TNKS: variants seen among roughly 807,000 people sequenced by gnomAD.
The protein encoded by TNKS is poly [ADP-ribose] polymerase tankyrase-1.
Under a neutral mutation model 135.8 loss-of-function variants are expected in TNKS, and 72 were observed. The ratio of observed to expected loss-of-function variants is 0.53; its 90% confidence interval spans 0.44 to 0.64. The LOEUF is 0.64. Among genes scored for constraint, TNKS ranks in the 30% least tolerant of loss-of-function variants. TNKS has a pLI of 0.00. For missense variants in TNKS, 1,769 were observed against 1,674.0 expected (o/e 1.06, Z -0.99); for synonymous variants, 849 against 649.3 (o/e 1.31, Z -4.68).
intron 2 of TNKS, among the ~76,000 whole-genome samples, chr8:9,599,844 G>A (rs138752003): frequency 2.4e-4 from 37 of 151,958 alleles, no homozygotes; most frequent in Non-Finnish European, 4.3e-4. Context: ...GACAACAGGC[G>A]CAAAATTGAA....
chr8:9,751,755 C>T lies in TNKS; in HGVS notation c.2979C>T (p.Asp993=). Residue 993 remains aspartate (D), a synonymous_variant, in exon 19 of 27, where the codon GAC becomes GAT. Transcript: ENST00000310430. Reference sequence around the variant, plus strand: ...GCCTCTCGGCTGCCAGCAGCATAGACAACCTCACTGGCCCTTTAGCAGAGT... The same window carrying T: ...GCCTCTCGGCTGCCAGCAGCATAGATAACCTCACTGGCCCTTTAGCAGAGT... ...PSCLSAASSI[D]NLTGPLAELA... 1 of 1,614,212 alleles carries T rather than the reference C, an allele frequency of 6.2e-7. No individual in the cohort carries two copies. The highest frequency in any genetic ancestry group is 2.2e-5 in the East Asian group (1 of 44,880).
At chr8:9,735,776 G>A (rs2128819849) in intron 17 of TNKS, among the ~76,000 whole-genome samples, 1 of 151,914 alleles carries the variant, frequency 6.6e-6, no homozygotes, top group East Asian at 1.9e-4. Context: ...CTCCAGCCTG[G>A]GTGACAGAGC....
At chr8:9,629,737 C>T (rs1800211186) in intron 3 of TNKS, among the ~76,000 whole-genome samples, 1 of 152,224 alleles carries the variant, frequency 6.6e-6, no homozygotes. Context: ...GGCTGGAGTG[C>T]AGTGGTGTCA....
Position 9,763,227 on chromosome 8 carries a change from C to G in TNKS, c.3355C>G (p.Gln1119Glu). 1.9e-6 allele frequency: 3 copies of G among 1,606,540 alleles called. No homozygotes were observed. The East Asian group carries it at 6.7e-5, about 36-fold the overall frequency. Residue 1119 changes from glutamine to glutamate, a missense_variant, in exon 22 of 27, where the codon CAG becomes GAG. Gln to Glu is a conservative substitution (Grantham distance 29). This residue lies in a region of TNKS where 722 missense variants were observed against 688.9 expected (regional missense o/e 1.05). Coordinates refer to ENST00000310430, the MANE Select transcript of TNKS (RefSeq NM_003747.3). Reference protein sequence around the residue: ...LDLAPEDKEYQSVEEEMQSTI... With the variant: ...LDLAPEDKEYESVEEEMQSTI... ...TCTTGCTCCAGAAGATAAAGAATAT[C>G]AGTCAGTGGAAGAAGAGGTAATATA...
At chr8:9,643,473 C>G (rs532457056) in intron 3 of TNKS, among the ~76,000 whole-genome samples, 3 of 151,682 alleles carry the variant, frequency 2.0e-5, no homozygotes, top group Non-Finnish European at 4.4e-5. Context: ...GAGGGTGGAG[C>G]CCTCAGGACC....
chr8:9,567,719 C>T (rs958978327), intron 1 of TNKS, among the ~76,000 whole-genome samples: 2 of 152,144 alleles, frequency 1.3e-5, no homozygotes, highest in Non-Finnish European at 2.9e-5. Flanking sequence ...ACCCTTCCAG[C>T]AACGACTTTC....
At chr8:9,575,321 G>A (rs1015942459) in intron 1 of TNKS, 2 of 850,112 alleles carry the variant, frequency 2.4e-6, no homozygotes, top group African/African-American at 1.8e-5. Flanking sequence ...TCCTGACCTC[G>A]TGATCCGCCT....
At chr8:9,673,361 T>A (rs1194783722) in intron 3 of TNKS, among the ~76,000 whole-genome samples, 2 of 152,054 alleles carry the variant, frequency 1.3e-5, no homozygotes, top group African/African-American at 4.8e-5. Flanking sequence ...AAATAATATA[T>A]AAATTTTATG....
At chr8:9,588,480 G>T (rs1339720454) in intron 2 of TNKS, among the ~76,000 whole-genome samples, 1 of 152,150 alleles carries the variant, frequency 6.6e-6, no homozygotes, top group Non-Finnish European at 1.5e-5. Context: ...ATTTCACCAT[G>T]TTAGCCAGGA....
At chr8:9,652,053 C>T (rs969994389) in intron 3 of TNKS, among the ~76,000 whole-genome samples, 5 of 152,132 alleles carry the variant, frequency 3.3e-5, no homozygotes, top group African/African-American at 7.2e-5. Flanking sequence ...TGAAAAATGA[C>T]ATGTATTAAA....
intron 1 of TNKS, among the ~76,000 whole-genome samples, chr8:9,561,879 C>T (rs186134336): frequency 5.3e-5 from 8 of 152,196 alleles, no homozygotes; most frequent in South Asian, 2.1e-4. Flanking sequence ...TATAATGGTG[C>T]GATCTTGGCT....
At chr8:9,678,959 G>A (rs1199521311) in intron 3 of TNKS, among the ~76,000 whole-genome samples, 1 of 152,124 alleles carries the variant, frequency 6.6e-6, no homozygotes, top group Admixed American at 6.6e-5. Flanking sequence ...AGTCCTGGCT[G>A]TTCTTTTTAT....
At chr8:9,562,782 G>T (rs1427653291) in intron 1 of TNKS, among the ~76,000 whole-genome samples, 2 of 151,276 alleles carry the variant, frequency 1.3e-5, no homozygotes, top group African/African-American at 2.4e-5. Flanking sequence ...AATGTTGAAG[G>T]TCTGATGAGA....
intron 17 of TNKS, chr8:9,743,476 G>A (rs1806076536): frequency 6.6e-6 from 1 of 152,184 alleles, no homozygotes; most frequent in African/African-American, 2.4e-5. Flanking sequence ...GTAAAAGTTG[G>A]ATTCCAAGAC....
At chr8:9,766,993 T>C (rs1807487816) in intron 25 of TNKS, among the ~76,000 whole-genome samples, 1 of 152,182 alleles carries the variant, frequency 6.6e-6, no homozygotes, top group African/African-American at 2.4e-5. Context: ...CTTGGCTTTC[T>C]CCCTGGGCTT....
intron 2 of TNKS, among the ~76,000 whole-genome samples, chr8:9,588,018 AAG>A (rs1358549798): frequency 6.6e-6 from 1 of 152,210 alleles, no homozygotes; most frequent in Non-Finnish European, 1.5e-5. Flanking sequence ...TGATACTTGT[AAG>A]AATTCTTAAA....
intron 1 of TNKS, chr8:9,557,081 A>C (rs1477139490): frequency 5.5e-6 from 1 of 180,440 alleles, no homozygotes; most frequent in Admixed American, 5.7e-5. Context: ...AATGAAAGAC[A>C]TAAATGAAGT....
chr8:9,754,846 C>G (rs1486440783), intron 20 of TNKS, among the ~76,000 whole-genome samples: 1 of 152,130 alleles, frequency 6.6e-6, no homozygotes, highest in Non-Finnish European at 1.5e-5. Flanking sequence ...TCTTTTCCAA[C>G]CATTTATTCA....
intron 21 of TNKS, among the ~76,000 whole-genome samples, 168 bp from the exon 22 acceptor site, chr8:9,762,979 A>G (rs958020871): frequency 3.3e-5 from 5 of 150,424 alleles, no homozygotes; most frequent in Admixed American, 3.3e-4. Context: ...GTCTTTGAGT[A>G]TATTTGTTTA....
Sources: allele counts gnomAD v4.1 joint callset (sites outside exome capture counted in the v4.1 genomes callset), GRCh38; gene constraint gnomAD v4.1.1; regional missense constraint gnomAD v4.1.1; transcripts MANE v1.5; gene names NCBI Gene and HGNC (gene_info 2026-07-23, HGNC 2026-07-21).